Variants in WASHC4 observed in about 807,000 individuals in gnomAD.
The protein encoded by WASHC4 is WASH complex subunit 7.
A neutral mutation model predicts 166.6 loss-of-function variants in WASHC4; 86 were observed. That is an observed-to-expected ratio of 0.52 (90% CI 0.43 to 0.62). WASHC4 has a LOEUF of 0.62. WASHC4 is among the 20% of genes least tolerant of loss of function. WASHC4 has a pLI of 0.00. For missense variants in WASHC4, 1,262 were observed against 1,382.4 expected (o/e 0.91, Z 1.38); for synonymous variants, 446 against 451.6 (o/e 0.99, Z 0.16).
At chr12:105,164,559 A>T in intron 31 of WASHC4, 82 bp from the exon 32 acceptor site, 1 of 951,334 alleles carries the variant, frequency 1.1e-6, no homozygotes, top group Non-Finnish European at 1.6e-6. Flanking sequence ...TAATAATAAG[A>T]GGCATAAAAA....
rs1883833748 is a variant in WASHC4 at position 105,152,339 on chromosome 12, C to G, written c.2650-4C>G. 6.8e-7 allele frequency: 1 copy of G among 1,481,076 alleles called. No individual in the cohort carries two copies. The allele number at this position is 1,481,076 out of a possible 1,614,324, so 91.7% of individuals were successfully genotyped here. On this transcript the variant is annotated splice_region_variant and splice_polypyrimidine_tract_variant and intron_variant, in intron 25 of 32. Transcript: ENST00000332180. ...TAAAAGTAGCCTTAAAATTTTCTGTCTAGTATCCTTTTGATAGAGCAGAAA... is the reference window on the plus strand; with the variant it reads ...TAAAAGTAGCCTTAAAATTTTCTGTGTAGTATCCTTTTGATAGAGCAGAAA...
chr12:105,152,030 A>G (rs910358857), intron 25 of WASHC4, among the ~76,000 whole-genome samples: 7 of 152,150 alleles, frequency 4.6e-5, no homozygotes, highest in African/African-American at 1.7e-4. Context: ...TTGGTCACAC[A>G]TCTGTGAACA....
chr12:105,140,955 T>G lies in WASHC4; in HGVS notation c.1617T>G (p.Ala539=), dbSNP rs776945157. The change falls in exon 17 of 33, where the codon GCT becomes GCG. Residue 539 remains alanine (A), a synonymous_variant. Transcript: ENST00000332180. ...YSEQRLDVLS[A]LVLAENTLNG... ...AACAGCGTCTTGATGTGCTCTCTGC[T>G]CTAGTTTTGGCTGAAAACACTCTAA... 1 of 1,614,142 alleles carries G rather than the reference T, an allele frequency of 6.2e-7. No individual in the cohort carries two copies. The highest frequency in any genetic ancestry group is 8.5e-7 in the Non-Finnish European group (1 of 1,179,996).
intron 25 of WASHC4, among the ~76,000 whole-genome samples, chr12:105,152,124 G>A (rs1732384): frequency 0.5 from 75,720 of 151,898 alleles, 19,082 homozygotes; most frequent in Middle Eastern, 0.68. Context: ...GGGAAATTAG[G>A]TTAGTGGCAT....
At position 105,167,470 on chromosome 12, in the gene WASHC4, G is replaced by T. The variant is rs1167132835; in HGVS notation, c.*539G>T. The T allele has an allele frequency of 2.6e-5, 4 of 153,356 alleles. No homozygotes were observed. The highest frequency in any genetic ancestry group is 1.3e-4 in the Admixed American group (2 of 15,446). The allele number at this position is 153,356 out of a possible 1,614,324, so 9.5% of individuals were successfully genotyped here. On this transcript the variant is annotated 3_prime_UTR_variant, in exon 33 of 33. Transcript: ENST00000332180. ...GTGTTTTATGTACTCTCAGTGTACA[G>T]TATAACTGATGATCCTTCTTTCATT...
chr12:105,164,409 C>G, intron 31 of WASHC4, 102 bp downstream of exon 31: 3 of 1,055,482 alleles, frequency 2.8e-6, no homozygotes, highest in Admixed American at 1.9e-5. Context: ...CTACCATTTT[C>G]ACAAGTGAGA....
intron 13 of WASHC4, 140 bp downstream of exon 13, chr12:105,127,429 G>A: frequency 1.4e-6 from 1 of 697,960 alleles, no homozygotes; most frequent in Non-Finnish European, 2.4e-6. Context: ...ATCTCCAGGA[G>A]ATTTGTTTTC....
Position 105,114,254 on chromosome 12 carries a change from A to C in WASHC4, c.240A>C (p.Ile80=). The change falls in exon 3 of 33, where the codon ATA becomes ATC. Residue 80 remains isoleucine (I), a synonymous_variant. Transcript: ENST00000332180. The part of the protein sequence containing the change: ...PYEQSSLLEL[I]KTENKVLNKV... ...AACAGTCCTCTCTTTTGGAACTCAT[A>C]AAGACTGAAAACAAGGTACAGAATC... 6.2e-7 allele frequency: 1 copy of C among 1,610,334 alleles called. No individual in the cohort carries two copies. Among genetic ancestry groups the C allele is most frequent in the East Asian group, 2.2e-5 (1 of 44,734 alleles).
intron 29 of WASHC4, among the ~76,000 whole-genome samples, chr12:105,161,720 G>T (rs574145110): frequency 2.0e-5 from 3 of 152,282 alleles, no homozygotes; most frequent in Admixed American, 1.3e-4. Flanking sequence ...TCACAAACAG[G>T]TGATTAATTG....
chr12:105,121,355 C>T (rs544703976), intron 9 of WASHC4, 151 bp downstream of exon 9: 1 of 644,224 alleles, frequency 1.6e-6, no homozygotes, highest in African/African-American at 1.8e-5. Context: ...TTTATGACTA[C>T]AGTAACCATT....
At chr12:105,130,643 G>C (rs1421074216) in intron 13 of WASHC4, among the ~76,000 whole-genome samples, 1 of 152,168 alleles carries the variant, frequency 6.6e-6, no homozygotes, top group African/African-American at 2.4e-5. Context: ...GGTGTCCCAA[G>C]GTCAGGCTTC....
chr12:105,146,903 C>T, intron 23 of WASHC4, 139 bp from the exon 24 acceptor site: 1 of 687,406 alleles, frequency 1.5e-6, no homozygotes, highest in Admixed American at 2.1e-5. Flanking sequence ...ATTAAGGATA[C>T]TCACCTGTAC....
chr12:105,151,080 G>A (rs1277253550), intron 25 of WASHC4, among the ~76,000 whole-genome samples: 2 of 149,606 alleles, frequency 1.3e-5, no homozygotes, highest in Non-Finnish European at 3.0e-5. Flanking sequence ...AGGAGGTGGA[G>A]GTTGCAGTGA....
In WASHC4 at chr12:105,126,046, T is replaced by G; in HGVS notation, c.829T>G (p.Ser277Ala). The G allele has an allele frequency of 2.5e-6, 4 of 1,612,766 alleles. No homozygotes were observed. The highest frequency in any genetic ancestry group is 2.5e-6 in the Non-Finnish European group (3 of 1,179,096). ...QQFDSLNGGVSVSKNSTFAEE... is the reference protein window; with the variant it reads ...QQFDSLNGGVAVSKNSTFAEE... ...ATTTGATTCTCTCAATGGAGGAGTATCTGTGTCAAAAAATAGTACTTTTGC... is the reference window on the plus strand; with the variant it reads ...ATTTGATTCTCTCAATGGAGGAGTAGCTGTGTCAAAAAATAGTACTTTTGC... Residue 277 changes from serine to alanine, a missense_variant, in exon 11 of 33, where the codon TCT becomes GCT. Physicochemically the swap from Ser to Ala is moderately conservative, Grantham distance 99 (BLOSUM62 1). Coordinates refer to ENST00000332180, the MANE Select transcript of WASHC4 (RefSeq NM_015275.3).
At chr12:105,151,316 T>G (rs1883756665) in intron 25 of WASHC4, among the ~76,000 whole-genome samples, 1 of 152,182 alleles carries the variant, frequency 6.6e-6, no homozygotes. Context: ...ATATTTGATT[T>G]GCCATATGCG....
chr12:105,154,534 G>A (rs1035458938), intron 26 of WASHC4, among the ~76,000 whole-genome samples: 2 of 152,106 alleles, frequency 1.3e-5, no homozygotes, highest in Non-Finnish European at 2.9e-5. Flanking sequence ...TTTAACTCAC[G>A]TGAATCTTAC....
intron 1 of WASHC4, among the ~76,000 whole-genome samples, chr12:105,108,174 A>C (rs1879269277): frequency 6.6e-6 from 1 of 152,004 alleles, no homozygotes; most frequent in Non-Finnish European, 1.5e-5. Context: ...CGCGCCCGGG[A>C]GGCCCAGCGG....
In WASHC4 at chr12:105,121,151, T is replaced by C. The variant is rs756606448; in HGVS notation, c.612T>C (p.Asp204=). The C allele has an allele frequency of 2.5e-6, 4 of 1,612,834 alleles. No homozygotes were observed. The highest frequency in any genetic ancestry group is 2.5e-6 in the Non-Finnish European group (3 of 1,179,168). Residue 204 remains aspartate, a synonymous_variant, in exon 9 of 33, where the codon GAT becomes GAC. Coordinates refer to ENST00000332180, the MANE Select transcript of WASHC4 (RefSeq NM_015275.3). ...GELLTVLLTL[D]EIIDNHITLK... The stretch of plus-strand genomic sequence containing the variant: ...TGCTAACAGTTTTGCTCACCCTGGA[T>C]GAAATTATTGATAATCATATCACAC...
At position 105,152,436 on chromosome 12, in the gene WASHC4, C is replaced by T. The variant is rs540600354; in HGVS notation, c.2743C>T (p.Leu915Phe). 1 of 1,571,520 alleles carries T rather than the reference C, an allele frequency of 6.4e-7. No homozygotes were observed. The highest frequency in any genetic ancestry group is 8.8e-7 in the Non-Finnish European group (1 of 1,141,404). ...GAGCTACCTTGATCAATTCAGGCAA[C>T]TCATCAGCCAGATTGGTAAGTTATG... ...GQSYLDQFRQ[L>F]ISQIGNAMGY... The change falls in exon 26 of 33, where the codon CTC becomes TTC. Residue 915 changes from leucine to phenylalanine, a missense_variant. By Grantham distance (22) the Leu-to-Phe change is conservative. Coordinates refer to ENST00000332180, the MANE Select transcript of WASHC4 (RefSeq NM_015275.3).
Sources: gnomAD v4.1 joint callset for allele counts (sites outside exome capture counted in the v4.1 genomes callset) on GRCh38, gnomAD v4.1.1 for gene constraint, MANE v1.5 for transcripts, NCBI Gene and HGNC (gene_info 2026-07-23, HGNC 2026-07-21) for gene names.